TBXAS1: variants seen among roughly 807,000 people sequenced by gnomAD.
TBXAS1 encodes thromboxane A synthase 1.
A neutral mutation model predicts 60.7 loss-of-function variants in TBXAS1; 48 were observed. The observed-to-expected ratio is 0.79, with a 90% CI of 0.63 to 1.01. The LOEUF is 1.01. TBXAS1 is among the 50% of genes least tolerant of loss of function. The pLI, the probability that TBXAS1 is intolerant of heterozygous loss-of-function variation, is 0.00. For missense variants in TBXAS1, 685 were observed against 686.3 expected, an observed-to-expected ratio of 1.00 and a Z score of 0.02; for synonymous variants, 287 against 269.7, an observed-to-expected ratio of 1.06 and a Z score of -0.63.
intron 9 of TBXAS1, among the ~76,000 whole-genome samples, chr7:140,001,965 G>C (rs1376516596): frequency 2.0e-5 from 3 of 152,138 alleles, no homozygotes; most frequent in Middle Eastern, 3.2e-3. Flanking sequence ...TCTCTCATCT[G>C]TTCTCCCATC....
At chr7:140,006,305 C>A (rs1814071894) in intron 9 of TBXAS1, among the ~76,000 whole-genome samples, 1 of 152,176 alleles carries the variant, frequency 6.6e-6, no homozygotes, top group Non-Finnish European at 1.5e-5. Flanking sequence ...AGCTCATGGG[C>A]ACGTGTTCAT....
At chr7:139,861,863 G>T (rs1353831312) in intron 1 of TBXAS1, among the ~76,000 whole-genome samples, 1 of 152,152 alleles carries the variant, frequency 6.6e-6, no homozygotes, top group Non-Finnish European at 1.5e-5. Flanking sequence ...GGGAATATTG[G>T]TTTCTTGCCT....
chr7:139,897,418 A>G (rs772444516), intron 3 of TBXAS1, among the ~76,000 whole-genome samples: 4 of 152,144 alleles, frequency 2.6e-5, no homozygotes, highest in Non-Finnish European at 5.9e-5. Context: ...CAGGGTGTGA[A>G]GGACATCATG....
intron 4 of TBXAS1, among the ~76,000 whole-genome samples, chr7:139,914,242 G>A (rs552248866): frequency 6.6e-6 from 1 of 151,770 alleles, no homozygotes; most frequent in Admixed American, 6.6e-5. Flanking sequence ...TTACTATGTC[G>A]CCAAGGTTAG....
At chr7:139,918,242 C>A (rs553127932) in intron 4 of TBXAS1, among the ~76,000 whole-genome samples, 1 of 152,156 alleles carries the variant, frequency 6.6e-6, no homozygotes, top group East Asian at 1.9e-4. Flanking sequence ...AATCCTTTAA[C>A]CTCCTGATTC....
chr7:139,990,843 C>A (rs924310663), intron 9 of TBXAS1, among the ~76,000 whole-genome samples: 4 of 152,180 alleles, frequency 2.6e-5, no homozygotes, highest in African/African-American at 7.2e-5. Flanking sequence ...CCTCCTGTGG[C>A]AGAGTCACCT....
chr7:139,870,575 C>G lies in TBXAS1; in HGVS notation c.90-1660C>G, dbSNP rs919714759. ...GTGCTGTCAACCTTCGGTACTCACA[C>G]TAATGAAGAGGAGTGTTGGTATGAC... On this transcript the variant is annotated intron_variant, in intron 1 of 12. Transcript: ENST00000448866. 2.8e-4 allele frequency among the ~76,000 whole-genome samples: 42 copies of G among 152,226 alleles called. 1 individual carries two copies. Among genetic ancestry groups the G allele is most frequent in the Middle Eastern group, 6.3e-3 (2 of 316 alleles).
At chr7:139,792,422 A>G (rs1036426998) in intron 4 of TBXAS1, among the ~76,000 whole-genome samples, 2 of 152,182 alleles carry the variant, frequency 1.3e-5, no homozygotes, top group Non-Finnish European at 2.9e-5. Flanking sequence ...ACTGGCCTGC[A>G]TTATCACCTA....
intron 3 of TBXAS1, among the ~76,000 whole-genome samples, chr7:139,908,311 T>C (rs1805264528): frequency 6.6e-6 from 1 of 152,128 alleles, no homozygotes; most frequent in South Asian, 2.1e-4. Context: ...CTCTCCACAT[T>C]GCTTTAGCTG....
intron 9 of TBXAS1, among the ~76,000 whole-genome samples, chr7:139,967,002 C>T (rs978350002): frequency 1.3e-5 from 2 of 152,168 alleles, no homozygotes; most frequent in South Asian, 2.1e-4. Flanking sequence ...AGATGCAAGA[C>T]GTATTCGGAG....
intron 9 of TBXAS1, among the ~76,000 whole-genome samples, chr7:140,005,418 G>C (rs1403077462): frequency 6.6e-6 from 1 of 151,508 alleles, no homozygotes; most frequent in African/African-American, 2.4e-5. Flanking sequence ...GACAGAAAAA[G>C]ACTCTGTCTC....
At chr7:139,848,814 C>T (rs764340947) in intron 1 of TBXAS1, among the ~76,000 whole-genome samples, 3 of 152,116 alleles carry the variant, frequency 2.0e-5, no homozygotes, top group Non-Finnish European at 2.9e-5. Context: ...GCGGGAGGCA[C>T]TGCACAGTCA....
At chr7:139,934,324 G>T (rs1584888469) in intron 4 of TBXAS1, among the ~76,000 whole-genome samples, 1 of 151,972 alleles carries the variant, frequency 6.6e-6, no homozygotes, top group East Asian at 1.9e-4. Flanking sequence ...AAGTAGCTGG[G>T]ATTACAGGTG....
rs528654878 is a variant in TBXAS1 at position 139,854,267 on chromosome 7, G to A, written c.90-17968G>A. Reference sequence around the variant, plus strand: ...GCCCAGAACGGTGAAACGACATGGCGTAACTAGGAACGTGTGAGTCATGCA... The same window carrying A: ...GCCCAGAACGGTGAAACGACATGGCATAACTAGGAACGTGTGAGTCATGCA... On this transcript the variant is annotated intron_variant, in intron 1 of 12. Coordinates refer to ENST00000448866, the MANE Select transcript of TBXAS1 (RefSeq NM_001061.7). 5.3e-5 allele frequency among the ~76,000 whole-genome samples: 8 copies of A among 152,250 alleles called. No individual in the cohort carries two copies. The South Asian group carries it at 8.3e-4, about 16-fold the overall frequency.
intron 10 of TBXAS1, among the ~76,000 whole-genome samples, chr7:140,012,347 G>T (rs1471704264): frequency 6.6e-6 from 1 of 152,212 alleles, no homozygotes; most frequent in Non-Finnish European, 1.5e-5. Context: ...AGTTGGGAAG[G>T]GGGTGGGCTG....
chr7:139,831,749 T>C (rs1260253747), intron 1 of TBXAS1, among the ~76,000 whole-genome samples: 1 of 152,084 alleles, frequency 6.6e-6, no homozygotes, highest in Non-Finnish European at 1.5e-5. Context: ...CTGGCCAACA[T>C]GGTGAAACTC....
At chr7:140,006,965 T>C in intron 9 of TBXAS1, 126 bp from the exon 10 acceptor site, 1 of 944,042 alleles carries the variant, frequency 1.1e-6, no homozygotes, top group Non-Finnish European at 1.7e-6. Context: ...CGACTTTCCA[T>C]TTTGTGGGGT....
intron 1 of TBXAS1, among the ~76,000 whole-genome samples, chr7:139,850,278 T>C (rs1585628087): frequency 6.6e-6 from 1 of 152,222 alleles, no homozygotes; most frequent in Non-Finnish European, 1.5e-5. Flanking sequence ...CATTTCCTTT[T>C]TTCCTATAAA....
intron 4 of TBXAS1, among the ~76,000 whole-genome samples, chr7:139,811,211 CA>C (rs1238005979): frequency 6.6e-6 from 1 of 152,186 alleles, no homozygotes; most frequent in Non-Finnish European, 1.5e-5. Flanking sequence ...ATGATGGGTA[CA>C]AATCTATATA....
Sources: gnomAD v4.1 joint callset for allele counts (sites outside exome capture counted in the v4.1 genomes callset) on GRCh38, gnomAD v4.1.1 for gene constraint, MANE v1.5 for transcripts, NCBI Gene and HGNC (gene_info 2026-07-23, HGNC 2026-07-21) for gene names.